ADGRL2: variants seen among roughly 807,000 people sequenced by gnomAD.
ADGRL2 encodes adhesion G protein-coupled receptor L2.
A neutral mutation model predicts 157.4 loss-of-function variants in ADGRL2; 44 were observed. The ratio of observed to expected loss-of-function variants is 0.28; its 90% CI spans 0.22 to 0.36. ADGRL2 has a LOEUF of 0.36. Ranked by LOEUF, ADGRL2 falls within the 10% of genes least tolerant of loss-of-function variation. The pLI is 1.00. For missense variants in ADGRL2, 1,510 were observed against 1,768.9 expected (o/e 0.85, Z 2.63); for synonymous variants, 585 against 624.7 (o/e 0.94, Z 0.95).
At chr1:81,496,272 C>T (rs1480968052) in intron 2 of ADGRL2, among the ~76,000 whole-genome samples, 1 of 152,142 alleles carries the variant, frequency 6.6e-6, no homozygotes, top group Non-Finnish European at 1.5e-5. Context: ...CTTTTTCTTA[C>T]ACTGGCATTG....
chr1:81,463,370 T>C (rs999999662), intron 2 of ADGRL2, among the ~76,000 whole-genome samples: 2 of 151,966 alleles, frequency 1.3e-5, no homozygotes, highest in Non-Finnish European at 2.9e-5. Flanking sequence ...TCTTCTAGAC[T>C]GAATGTTTGG....
chr1:81,764,747 G>T (rs1344876048), intron 2 of ADGRL2, among the ~76,000 whole-genome samples: 2 of 151,986 alleles, frequency 1.3e-5, no homozygotes, highest in Admixed American at 1.3e-4. Context: ...TTCCTGAGTG[G>T]TTAAAGTAGA....
rs146400013 is a variant in ADGRL2, at chr1:81,703,635, C to T, written c.-143+3827C>T. On this transcript the variant is annotated intron_variant, in intron 1 of 20. Coordinates refer to the ADGRL2 transcript ENST00000359929. Reference sequence around the variant, plus strand: ...GATAAAAACAACTTTATTCTCGTACCGAAGAAAAGGAAGAGCAAAATAATG... The same window carrying T: ...GATAAAAACAACTTTATTCTCGTACTGAAGAAAAGGAAGAGCAAAATAATG... Among the ~76,000 whole-genome samples the T allele has an allele frequency of 2.3e-4, 35 of 151,484 alleles. No homozygotes were observed. In the East Asian group the frequency reaches 6.2e-3, roughly 27 times the overall value.
At chr1:81,539,007 CAAAAA>C (rs71242586) in intron 2 of ADGRL2, among the ~76,000 whole-genome samples, 5 of 82,522 alleles carry the variant, frequency 6.1e-5, no homozygotes, top group African/African-American at 9.9e-5. Flanking sequence ...GACCCTGTCT[CAAAAA>C]AAAAAAAAAA....
chr1:81,702,151 C>T (rs2083593971), intron 1 of ADGRL2, among the ~76,000 whole-genome samples: 1 of 152,174 alleles, frequency 6.6e-6, no homozygotes, highest in South Asian at 2.1e-4. Context: ...TCATACCTTT[C>T]CCTGAAAGCC....
intron 3 of ADGRL2, among the ~76,000 whole-genome samples, chr1:81,662,903 C>T (rs1557546954): frequency 6.6e-6 from 1 of 152,094 alleles, no homozygotes; most frequent in Non-Finnish European, 1.5e-5. Context: ...ACCATCCCCA[C>T]CTTCCGCACT....
intron 3 of ADGRL2, among the ~76,000 whole-genome samples, chr1:81,599,943 G>A (rs2081305097): frequency 6.6e-6 from 1 of 152,182 alleles, no homozygotes; most frequent in South Asian, 2.1e-4. Flanking sequence ...CAAATTAAAT[G>A]TGTAGCCCAT....
chr1:81,454,338 C>T (rs747744551), intron 2 of ADGRL2, among the ~76,000 whole-genome samples: 1 of 152,148 alleles, frequency 6.6e-6, no homozygotes, highest in Non-Finnish European at 1.5e-5. Context: ...TTGTTATGCA[C>T]AAACCTTCTG....
chr1:81,907,604 CTT>C (rs199996498), intron 3 of ADGRL2, among the ~76,000 whole-genome samples: 1 of 148,434 alleles, frequency 6.7e-6, no homozygotes, highest in African/African-American at 2.5e-5. Flanking sequence ...TGCTACTTAA[CTT>C]TTTTTTTTTA....
intron 1 of ADGRL2, among the ~76,000 whole-genome samples, chr1:81,748,657 T>G (rs34596254): frequency 0.087 from 12,468 of 142,744 alleles, 551 homozygotes; most frequent in South Asian, 0.16. Flanking sequence ...TTCTCATTCA[T>G]TCCTTTTTTT....
At chr1:81,641,997 A>G (rs932646862) in intron 3 of ADGRL2, among the ~76,000 whole-genome samples, 3 of 151,812 alleles carry the variant, frequency 2.0e-5, no homozygotes, top group African/African-American at 7.3e-5. Flanking sequence ...AAAGTACATC[A>G]CTACAAATCC....
At chr1:81,451,635 C>A (rs190761176) in intron 2 of ADGRL2, among the ~76,000 whole-genome samples, 1 of 152,204 alleles carries the variant, frequency 6.6e-6, no homozygotes, top group Non-Finnish European at 1.5e-5. Flanking sequence ...TTTATAAGAG[C>A]CAAGTAATCA....
chr1:81,674,023 A>G (rs1233220665), intron 3 of ADGRL2, among the ~76,000 whole-genome samples: 3 of 152,182 alleles, frequency 2.0e-5, no homozygotes, highest in Non-Finnish European at 4.4e-5. Context: ...AAATTATCTG[A>G]GTCCTGGCAA....
At chr1:81,792,627 T>C (rs2087402790) in intron 2 of ADGRL2, among the ~76,000 whole-genome samples, 1 of 152,186 alleles carries the variant, frequency 6.6e-6, no homozygotes, top group Admixed American at 6.5e-5. Context: ...AAAGGTTTTA[T>C]GAGAGATAAA....
chr1:81,988,219 G>A (rs936030821), intron 23 of ADGRL2, among the ~76,000 whole-genome samples: 8 of 151,964 alleles, frequency 5.3e-5, no homozygotes, highest in Non-Finnish European at 1.2e-4. Context: ...TACAGGCTGT[G>A]GAAAATCTTC....
intron 1 of ADGRL2, among the ~76,000 whole-genome samples, chr1:81,835,812 A>C (rs529454561): frequency 6.6e-6 from 1 of 152,182 alleles, no homozygotes; most frequent in East Asian, 1.9e-4. Flanking sequence ...TGTGGGCCTG[A>C]ATGATTTCAG....
chr1:81,574,847 C>T (rs138787171), intron 2 of ADGRL2, among the ~76,000 whole-genome samples: 12 of 152,144 alleles, frequency 7.9e-5, no homozygotes, highest in Admixed American at 1.3e-4. Context: ...TGCCATTTAG[C>T]GAAGAAAACA....
chr1:81,865,150 C>T (rs2093502686), intron 2 of ADGRL2, among the ~76,000 whole-genome samples: 1 of 152,144 alleles, frequency 6.6e-6, no homozygotes, highest in South Asian at 2.1e-4. Flanking sequence ...AGCAAAAGTA[C>T]CCCATTGTTT....
At chr1:81,356,912 C>A (rs1015762075) in intron 1 of ADGRL2, among the ~76,000 whole-genome samples, 1 of 135,586 alleles carries the variant, frequency 7.4e-6, no homozygotes, top group Non-Finnish European at 1.5e-5. Flanking sequence ...GAGATCGCGC[C>A]ACTGCACTCC....
Sources: gnomAD v4.1 joint callset for allele counts (sites outside exome capture counted in the v4.1 genomes callset) on GRCh38, gnomAD v4.1.1 for gene constraint, MANE v1.5 for transcripts, NCBI Gene and HGNC (gene_info 2026-07-23, HGNC 2026-07-21) for gene names.